The following PMS2 variants were observed in gnomAD, a reference collection of about 807,000 sequenced individuals.
PMS2 encodes mismatch repair endonuclease PMS2.
A neutral mutation model predicts 90.0 loss-of-function variants in PMS2; 69 were observed. The ratio of observed to expected loss-of-function variants is 0.77; its 90% CI spans 0.63 to 0.94. The LOEUF (loss-of-function observed/expected upper bound fraction) is 0.94. Ranked by LOEUF, PMS2 falls within the 40% of genes least tolerant of loss-of-function variation. The probability of loss-of-function intolerance (pLI) is 0.00; values close to 1 mark genes in which losing one functional copy is unlikely to be tolerated. For missense variants in PMS2, 966 were observed against 1,040.2 expected, an observed-to-expected ratio of 0.93 and a Z score of 0.98; for synonymous variants, 332 against 375.1, an observed-to-expected ratio of 0.89 and a Z score of 1.33.
At chr7:5,995,421 G>T in intron 8 of PMS2, 113 bp downstream of exon 8, 1 of 727,296 alleles carries the variant, frequency 1.4e-6, no homozygotes, top group Non-Finnish European at 2.5e-6. Context: ...TAATGTTAAA[G>T]CCATGTTTCT....
At chr7:6,002,728 A>C in intron 4 of PMS2, 92 bp from the exon 5 acceptor site, 2 of 1,036,500 alleles carry the variant, frequency 1.9e-6, no homozygotes, top group Non-Finnish European at 3.1e-6. Context: ...TTCTCTCAAA[A>C]TTTTCTTAAA....
chr7:5,998,088 T>G (rs200599139), intron 6 of PMS2, among the ~76,000 whole-genome samples: 3 of 151,088 alleles, frequency 2.0e-5, no homozygotes, highest in East Asian at 3.9e-4. Context: ...TTTTTTTTTT[T>G]TTTTTTTTCC....
chr7:6,005,954 C>A lies in PMS2; in HGVS notation c.101G>T (p.Ser34Ile), dbSNP rs370612538. Residue 34 changes from serine to isoleucine, a missense_variant, in exon 2 of 15, where the codon AGT becomes ATT. Ser to Ile is a moderately radical substitution (Grantham distance 142). Coordinates refer to ENST00000265849, the MANE Select transcript of PMS2 (RefSeq NM_000535.7). ...HQICSGQVVLSLSTAVKELVE... is the reference protein window; with the variant it reads ...HQICSGQVVLILSTAVKELVE... The stretch of plus-strand genomic sequence containing the variant: ...TAACTCCTTTACCGCAGTGCTTAGA[C>A]TCAGTACCACCTGCCCAGAGCAAAT... 68 of 1,610,718 alleles carry A rather than the reference C, an allele frequency of 4.2e-5. No homozygotes were observed. The highest frequency in any genetic ancestry group is 5.4e-5 in the Non-Finnish European group (64 of 1,179,830).
chr7:5,977,029 T>TAA (rs1168996693), intron 14 of PMS2, among the ~76,000 whole-genome samples: 12 of 100,984 alleles, frequency 1.2e-4, no homozygotes, highest in African/African-American at 3.7e-4. Context: ...AGAATCTGTC[T>TAA]AAAAAAAAAA....
chr7:5,985,013 T>C (rs1402832273), intron 11 of PMS2, among the ~76,000 whole-genome samples: 2 of 151,586 alleles, frequency 1.3e-5, no homozygotes, highest in African/African-American at 4.9e-5. Context: ...CCAAATCCTA[T>C]CTTTGAGGGT....
At chr7:6,002,907 C>T (rs1785263405) in intron 4 of PMS2, among the ~76,000 whole-genome samples, 1 of 152,132 alleles carries the variant, frequency 6.6e-6, no homozygotes, top group African/African-American at 2.4e-5. Flanking sequence ...CATAAATGAT[C>T]TTAAGATTTA....
chr7:5,984,402 C>G (rs1782639367), intron 11 of PMS2, among the ~76,000 whole-genome samples: 1 of 151,798 alleles, frequency 6.6e-6, no homozygotes, highest in Non-Finnish European at 1.5e-5. Flanking sequence ...ACAATTAAAT[C>G]CGGTGAAAAT....
intron 12 of PMS2, among the ~76,000 whole-genome samples, chr7:5,982,097 CCT>C (rs1299875950): frequency 6.6e-6 from 1 of 151,324 alleles, no homozygotes; most frequent in Admixed American, 6.6e-5. Context: ...CTCACTGCAA[CCT>C]CTGTCTCCCA....
chr7:5,973,122 C>A lies in PMS2; in HGVS notation c.*277G>T, dbSNP rs1161669089. The A allele has an allele frequency of 2.5e-6, 1 of 397,356 alleles. No individual in the cohort carries two copies. Among genetic ancestry groups the A allele is most frequent in the Non-Finnish European group, 4.7e-6 (1 of 214,158 alleles). The allele number at this position is 397,356 out of a possible 1,614,324, so 24.6% of individuals were successfully genotyped here. On this transcript the variant is annotated 3_prime_UTR_variant, in exon 15 of 15. Coordinates refer to ENST00000265849, the MANE Select transcript of PMS2 (RefSeq NM_000535.7). Reference sequence around the variant, plus strand: ...CCTCCCAAAGTGCTGCGATCACAGGCATGAGCCACCATGCCCAGCCCAAGT... The same window carrying A: ...CCTCCCAAAGTGCTGCGATCACAGGAATGAGCCACCATGCCCAGCCCAAGT...
At chr7:6,007,232 C>G (rs1233191418) in intron 1 of PMS2, among the ~76,000 whole-genome samples, 1 of 152,108 alleles carries the variant, frequency 6.6e-6, no homozygotes, top group Non-Finnish European at 1.5e-5. Flanking sequence ...TCTCCTATCT[C>G]AGCCTCCCAA....
intron 14 of PMS2, among the ~76,000 whole-genome samples, chr7:5,976,100 G>C (rs556188513): frequency 1.8e-4 from 26 of 143,466 alleles, no homozygotes; most frequent in Admixed American, 1.6e-3. Flanking sequence ...TTAGCCAGGT[G>C]TGGTGGGTGC....
At chr7:6,000,992 T>G (rs1562684459) in intron 5 of PMS2, among the ~76,000 whole-genome samples, 2 of 151,510 alleles carry the variant, frequency 1.3e-5, no homozygotes, top group East Asian at 1.9e-4. Context: ...AGACTCCATC[T>G]AAAAAAAAAG....
Position 6,003,999 on chromosome 7 carries a change from C to A in PMS2, c.223G>T (p.Val75Leu). The A allele has an allele frequency of 6.2e-7, 1 of 1,603,962 alleles. No homozygotes were observed. Among genetic ancestry groups the A allele is most frequent in the Non-Finnish European group, 8.5e-7 (1 of 1,172,618 alleles). Residue 75 changes from valine to leucine, a missense_variant, in exon 3 of 15, where the codon GTA becomes TTA. Physicochemically the swap from Val to Leu is conservative, Grantham distance 32. Around this residue, in one of 2 missense-constraint regions of PMS2, gnomAD observed 871 missense variants for 802.4 expected, o/e 1.09. Transcript: ENST00000265849. Reference protein sequence around the residue: ...LIEVSDNGCGVEEENFEGLTL... With the variant: ...LIEVSDNGCGLEEENFEGLTL... The stretch of plus-strand genomic sequence containing the variant: ...AAGCCTTCGAAGTTTTCTTCTTCTA[C>A]CCCACATCCATTGTCTGAAACTTCA...
intron 5 of PMS2, among the ~76,000 whole-genome samples, chr7:6,001,031 C>A (rs1019572926): frequency 3.9e-5 from 6 of 152,040 alleles, no homozygotes; most frequent in African/African-American, 1.4e-4. Context: ...AAATGCTTTA[C>A]AAGTAAAAAA....
Position 6,009,009 on chromosome 7 carries a change from G to A in PMS2, c.11C>T (p.Ala4Val), listed in dbSNP as rs745361721. Residue 4 changes from alanine (A) to valine (V), a missense_variant, in exon 1 of 15, where the codon GCT (alanine) becomes GTT (valine). Ala to Val is a moderately conservative substitution (Grantham distance 64). Coordinates refer to ENST00000265849, the MANE Select transcript of PMS2 (RefSeq NM_000535.7). ...GAGCCCCGCTCACCTCGAGCTCTCA[G>A]CTCGCTCCATGGATGCAACACCCGA... MER[A>V]ESSSTEPAKA... The A allele has an allele frequency of 5.6e-6, 9 of 1,612,576 alleles. No individual in the cohort carries two copies. Among genetic ancestry groups the A allele is most frequent in the Non-Finnish European group, 7.6e-6 (9 of 1,179,834 alleles).
chr7:5,992,279 T>G (rs1245632806), intron 8 of PMS2, among the ~76,000 whole-genome samples: 1 of 151,348 alleles, frequency 6.6e-6, no homozygotes, highest in African/African-American at 2.4e-5. Flanking sequence ...GTGATCCTCC[T>G]GTGTCAGCCT....
intron 12 of PMS2, among the ~76,000 whole-genome samples, chr7:5,979,709 C>T (rs372985395): frequency 0.023 from 3,164 of 136,086 alleles, 12 homozygotes; most frequent in Middle Eastern, 0.036. Flanking sequence ...AAGATAGAGA[C>T]AGGGTCTCAC....
chr7:5,979,668 GT>G (rs1554294897), intron 12 of PMS2, among the ~76,000 whole-genome samples: 1 of 131,170 alleles, frequency 7.6e-6, no homozygotes, highest in Non-Finnish European at 1.7e-5. Context: ...TTTACTGTTT[GT>G]TTTTTTTTAA....
chr7:5,991,867 T>A (rs1583344255), intron 9 of PMS2, 106 bp downstream of exon 9: 1 of 716,946 alleles, frequency 1.4e-6, no homozygotes, highest in Non-Finnish European at 2.5e-6. Context: ...AAAACTTACA[T>A]GACCATAAAT....
Sources: allele counts gnomAD v4.1 joint callset (sites outside exome capture counted in the v4.1 genomes callset), GRCh38; gene constraint gnomAD v4.1.1; regional missense constraint gnomAD v4.1.1; transcripts MANE v1.5; gene names NCBI Gene and HGNC (gene_info 2026-07-23, HGNC 2026-07-21).